SORCS3: variants seen among roughly 807,000 people sequenced by gnomAD.
The protein encoded by SORCS3 is VPS10 domain-containing receptor SorCS3.
A neutral mutation model predicts 146.3 loss-of-function variants in SORCS3; 57 were observed. The observed-to-expected ratio is 0.39, with a 90% CI of 0.31 to 0.49. SORCS3 has a LOEUF of 0.49. Ranked by LOEUF, SORCS3 falls within the 20% of genes least tolerant of loss-of-function variation. The probability of loss-of-function intolerance (pLI) is 0.92; values close to 1 mark genes in which losing one functional copy is unlikely to be tolerated. For missense variants in SORCS3, 1,341 were observed against 1,575.5 expected, an observed-to-expected ratio of 0.85 and a Z score of 2.52; for synonymous variants, 653 against 618.5, an observed-to-expected ratio of 1.06 and a Z score of -0.83.
chr10:104,799,665 C>G (rs1020912619), intron 1 of SORCS3, among the ~76,000 whole-genome samples: 2 of 151,306 alleles, frequency 1.3e-5, no homozygotes, highest in Non-Finnish European at 1.5e-5. Flanking sequence ...GCACGTTCTG[C>G]ACATGTAACC....
At chr10:104,846,130 T>A (rs938489981) in intron 2 of SORCS3, among the ~76,000 whole-genome samples, 3 of 152,172 alleles carry the variant, frequency 2.0e-5, no homozygotes, top group African/African-American at 7.2e-5. Context: ...AGGAGGTTCA[T>A]GGACCTGATA....
At chr10:105,060,168 C>T (rs925026470) in intron 5 of SORCS3, among the ~76,000 whole-genome samples, 1 of 152,190 alleles carries the variant, frequency 6.6e-6, no homozygotes, top group Admixed American at 6.5e-5. Flanking sequence ...AAGATGGTTT[C>T]AATTTCAACA....
intron 1 of SORCS3, among the ~76,000 whole-genome samples, chr10:104,751,955 ATATATATATAT>A (rs1293963032): frequency 0.022 from 2,797 of 125,166 alleles, 170 homozygotes; most frequent in African/African-American, 0.075. Flanking sequence ...ATATATATAT[ATATATATATAT>A]ATAATAGTTT....
At chr10:104,903,351 A>C (rs919683589) in intron 2 of SORCS3, among the ~76,000 whole-genome samples, 1 of 152,188 alleles carries the variant, frequency 6.6e-6, no homozygotes, top group African/African-American at 2.4e-5. Context: ...CCTTGACCTC[A>C]AGAAGCTTAT....
intron 1 of SORCS3, among the ~76,000 whole-genome samples, chr10:104,753,489 T>C (rs1348538379): frequency 6.6e-6 from 1 of 152,208 alleles, no homozygotes; most frequent in African/African-American, 2.4e-5. Flanking sequence ...GAATATAAAA[T>C]GTTTGAATAA....
intron 4 of SORCS3, among the ~76,000 whole-genome samples, chr10:105,015,328 T>C (rs948451541): frequency 6.6e-6 from 1 of 152,226 alleles, no homozygotes; most frequent in African/African-American, 2.4e-5. Context: ...TGTTTACACA[T>C]AATTTCTTGT....
intron 4 of SORCS3, among the ~76,000 whole-genome samples, chr10:104,987,389 A>T (rs914827147): frequency 1.3e-5 from 2 of 152,182 alleles, no homozygotes; most frequent in African/African-American, 4.8e-5. Flanking sequence ...ATAATTAAAA[A>T]TTCTTTAAGT....
intron 5 of SORCS3, among the ~76,000 whole-genome samples, chr10:105,074,278 G>A (rs553161972): frequency 2.6e-5 from 4 of 152,252 alleles, no homozygotes; most frequent in South Asian, 2.1e-4. Flanking sequence ...TATCAGCTGC[G>A]GTGACTTAGA....
intron 11 of SORCS3, 60 bp downstream of exon 11, chr10:105,159,054 C>T (rs939155069): frequency 7.0e-6 from 9 of 1,281,690 alleles, no homozygotes; most frequent in African/African-American, 4.5e-5. Flanking sequence ...AAATTTGTCA[C>T]CTCTTTTTGG....
rs760250900 is a variant in SORCS3 at position 105,256,843 on chromosome 10, G to A, written c.3362G>A (p.Gly1121Glu). 10 of 1,614,010 alleles carry A rather than the reference G, an allele frequency of 6.2e-6. No homozygotes were observed. Among genetic ancestry groups the A allele is most frequent in the Non-Finnish European group, 7.6e-6 (9 of 1,179,902 alleles). ...TLAPLVDSSA[G>E]HSSSAMLMLL... is the part of the protein sequence containing the mutation. Reference sequence around the variant, plus strand: ...GCTCCATTGGTGGACTCCAGTGCTGGGCACAGCAGCTCAGCCATGCTTATG... The same window carrying A: ...GCTCCATTGGTGGACTCCAGTGCTGAGCACAGCAGCTCAGCCATGCTTATG... Residue 1121 changes from glycine to glutamate, a missense_variant, in exon 25 of 27, where the codon GGG becomes GAG. Physicochemically the swap from Gly to Glu is moderately conservative, Grantham distance 98. Coordinates refer to ENST00000369701, the MANE Select transcript of SORCS3 (RefSeq NM_014978.3).
intron 5 of SORCS3, among the ~76,000 whole-genome samples, chr10:105,049,164 A>C (rs1027193421): frequency 3.9e-5 from 6 of 152,092 alleles, no homozygotes; most frequent in African/African-American, 1.4e-4. Context: ...TTCAACACTA[A>C]AAGTATTTCA....
chr10:104,990,914 T>C (rs919853553), intron 4 of SORCS3, among the ~76,000 whole-genome samples: 3 of 152,242 alleles, frequency 2.0e-5, no homozygotes, highest in African/African-American at 7.2e-5. Flanking sequence ...AGAGCTGTTC[T>C]AGAATAAATC....
At chr10:105,232,467 T>C (rs2056770992) in intron 20 of SORCS3, among the ~76,000 whole-genome samples, 2 of 152,072 alleles carry the variant, frequency 1.3e-5, no homozygotes, top group Non-Finnish European at 2.9e-5. Context: ...TTATTAACTT[T>C]ATTGATATTT....
intron 2 of SORCS3, among the ~76,000 whole-genome samples, chr10:104,877,215 A>G (rs1459627199): frequency 6.6e-6 from 1 of 152,104 alleles, no homozygotes; most frequent in African/African-American, 2.4e-5. Flanking sequence ...TATTTCACCT[A>G]GTCCAGTCAC....
At chr10:104,836,210 TAG>T (rs1430034060) in intron 1 of SORCS3, among the ~76,000 whole-genome samples, 2 of 152,110 alleles carry the variant, frequency 1.3e-5, no homozygotes, top group Non-Finnish European at 2.9e-5. Context: ...ATGGGATGTG[TAG>T]AGTCACACCA....
chr10:105,026,390 T>C (rs568107476), intron 4 of SORCS3, among the ~76,000 whole-genome samples: 2 of 152,342 alleles, frequency 1.3e-5, no homozygotes, highest in South Asian at 4.1e-4. Flanking sequence ...GTGGGCAGTC[T>C]TCTCTTTAAA....
intron 1 of SORCS3, among the ~76,000 whole-genome samples, chr10:104,663,189 A>G (rs1470005289): frequency 1.3e-5 from 2 of 152,126 alleles, no homozygotes; most frequent in African/African-American, 4.8e-5. Flanking sequence ...TTCTGTTGTA[A>G]TTAAAGGAAG....
chr10:104,910,635 G>C (rs969611430), intron 2 of SORCS3, among the ~76,000 whole-genome samples: 8 of 152,248 alleles, frequency 5.3e-5, no homozygotes, highest in African/African-American at 1.7e-4. Flanking sequence ...AAAAGGTTAT[G>C]TGTTGTTTAT....
intron 4 of SORCS3, among the ~76,000 whole-genome samples, chr10:104,998,068 T>C (rs1388142516): frequency 6.6e-6 from 1 of 152,112 alleles, no homozygotes; most frequent in African/African-American, 2.4e-5. Context: ...TATTAGGTGC[T>C]CAATACATAC....
Sources: gnomAD v4.1 joint callset for allele counts (sites outside exome capture counted in the v4.1 genomes callset) on GRCh38, gnomAD v4.1.1 for gene constraint, MANE v1.5 for transcripts, NCBI Gene and HGNC (gene_info 2026-07-23, HGNC 2026-07-21) for gene names.